BOD1L1: variants seen among roughly 807,000 people sequenced by gnomAD.
BOD1L1 encodes the protein biorientation of chromosomes in cell division protein 1-like 1.
In BOD1L1, 86 loss-of-function variants were observed where a neutral mutation model predicts 240.7. That is an observed-to-expected ratio of 0.36 (90% confidence interval 0.30 to 0.43). The LOEUF (loss-of-function observed/expected upper bound fraction) is 0.43, where lower values mean the gene tolerates loss of function less well. Ranked by LOEUF, BOD1L1 falls within the 20% of genes least tolerant of loss-of-function variation. The pLI, the probability that BOD1L1 is intolerant of heterozygous loss-of-function variation, is 1.00. For synonymous variants in BOD1L1, 1,268 were observed against 1,272.3 expected (o/e 1.00, Z 0.07); for missense variants, 3,554 against 3,643.5 (o/e 0.98, Z 0.63).
chr4:13,613,635 C>A lies in BOD1L1; in HGVS notation c.1201G>T (p.Asp401Tyr). Reference sequence around the variant, plus strand: ...CTAACTGTGATGTCTGTAAGTCCATCCACATCAGAATCTATCAAAGAGAAA... The same window carrying A: ...CTAACTGTGATGTCTGTAAGTCCATACACATCAGAATCTATCAAAGAGAAA... ...EDFSLIDSDV[D>Y]GLTDITVSSV... Residue 401 changes from aspartate to tyrosine, a missense_variant, in exon 5 of 26, where the codon GAT becomes TAT. This residue lies in a region of BOD1L1 where 3,393 missense variants were observed against 3,427.1 expected (regional missense o/e 0.99). Transcript: ENST00000040738. This position sits in a 1 kb window ranked among gnomAD's most constrained non-coding sequence, Gnocchi z 4.0. 1 of 1,580,206 alleles carries A rather than the reference C, an allele frequency of 6.3e-7. No homozygotes were observed. The highest frequency in any genetic ancestry group is 8.6e-7 in the Non-Finnish European group (1 of 1,159,310).
Position 13,577,103 on chromosome 4 carries a change from TG to T in BOD1L1, c.8885-113del, listed in dbSNP as rs1407155076. 5.4e-6 allele frequency: 7 copies of T among 1,297,614 alleles called. No individual in the cohort carries two copies. In the African/African-American group the frequency reaches 1.0e-4, roughly 19 times the overall value. The allele number at this position is 1,297,614 out of a possible 1,614,324, so 80.4% of individuals were successfully genotyped here. On this transcript the variant is annotated intron_variant, in intron 24 of 25. Coordinates refer to ENST00000040738, the MANE Select transcript of BOD1L1 (RefSeq NM_148894.3). ...TATTAGGGACTTGGAGGCAGAGAAA[TG>T]GTTTTCCACTTCCTTTTTGTTTCAG...
intron 19 of BOD1L1, among the ~76,000 whole-genome samples, chr4:13,581,918 T>C (rs1045663810): frequency 6.6e-6 from 1 of 152,220 alleles, no homozygotes; most frequent in Non-Finnish European, 1.5e-5. Flanking sequence ...TTTGCTGCCA[T>C]GTGCCTGGCC....
rs987958813 is a variant in BOD1L1 at position 13,599,341 on chromosome 4, G to C, written c.7559C>G (p.Ser2520Cys). 2 of 1,613,640 alleles carry C rather than the reference G, an allele frequency of 1.2e-6. No individual in the cohort carries two copies. The highest frequency in any genetic ancestry group is 1.3e-5 in the African/African-American group (1 of 74,744). The change falls in exon 10 of 26, where the codon TCT (serine) becomes TGT (cysteine). Residue 2520 changes from serine (S) to cysteine (C), a missense_variant. Ser to Cys is a moderately radical substitution (Grantham distance 112). Transcript: ENST00000040738. ...QTSGQTAKDP[S>C]VSIRYLAAVN... ...TGCTGCCAAATAGCGAATGCTGACA[G>C]AGGGATCCTTAGCCGTCTGCCCAGA...
chr4:13,603,529 G>C lies in BOD1L1; in HGVS notation c.3371C>G (p.Ser1124Cys). Residue 1124 changes from serine to cysteine, a missense_variant, in exon 10 of 26, where the codon TCT becomes TGT. Coordinates refer to ENST00000040738, the MANE Select transcript of BOD1L1 (RefSeq NM_148894.3). ...IPEQEPMEID[S>C]EPGVENVFEV... ...AAACACATTTTCAACACCTGGCTCA[G>C]AATCAATTTCCATTGGCTCTTGTTC... is the stretch of plus-strand genomic sequence containing the variant. The C allele has an allele frequency of 6.2e-7, 1 of 1,614,036 alleles. No individual in the cohort carries two copies. Among genetic ancestry groups the C allele is most frequent in the Non-Finnish European group, 8.5e-7 (1 of 1,179,898 alleles).
rs1258048920 is a variant in BOD1L1, at chr4:13,581,120, C to T, written c.8668+12G>A. 6.4e-7 allele frequency: 1 copy of T among 1,572,098 alleles called. No individual in the cohort carries two copies. The highest frequency in any genetic ancestry group is 8.6e-7 in the Non-Finnish European group (1 of 1,156,986). ...TTCTTGTGTGTGAACTGAAAACACA[C>T]CAAGTACCTACTCATTTTTAACGTT... On this transcript the variant is annotated intron_variant, in intron 20 of 25. Coordinates refer to ENST00000040738, the MANE Select transcript of BOD1L1 (RefSeq NM_148894.3).
rs1026563989 is a variant in BOD1L1, at chr4:13,603,266, C to T, written c.3634G>A (p.Ala1212Thr). 29 of 1,613,844 alleles carry T rather than the reference C, an allele frequency of 1.8e-5. No homozygotes were observed. The highest frequency in any genetic ancestry group is 2.7e-5 in the African/African-American group (2 of 74,922). The change falls in exon 10 of 26, where the codon GCT (alanine) becomes ACT (threonine). Residue 1212 changes from alanine to threonine, a missense_variant. By Grantham distance (58) the Ala-to-Thr change is moderately conservative. This residue lies in a region of BOD1L1 where 3,393 missense variants were observed against 3,427.1 expected (regional missense o/e 0.99). Coordinates refer to ENST00000040738, the MANE Select transcript of BOD1L1 (RefSeq NM_148894.3). ...TCCCCAGGGTTCATTTTGGACACAG[C>T]ACTTTGTATATGCATTTTCTTGGTC... ...TLTKKMHIQSAVSKMNPGEKE... is the reference protein window; with the variant it reads ...TLTKKMHIQSTVSKMNPGEKE...
Position 13,601,974 on chromosome 4 carries a change from T to C in BOD1L1, c.4926A>G (p.Val1642=), listed in dbSNP as rs145416062. 2.2e-5 allele frequency: 36 copies of C among 1,613,906 alleles called. No individual in the cohort carries two copies. Among genetic ancestry groups the C allele is most frequent in the Admixed American group, 3.3e-5 (2 of 60,008 alleles). ...CCTTTTCCTCTGTCACAACGCTATT[T>C]ACATTGGCTTCGATTTTAACTGCAT... ...AVHAVKIEAN[V]NSVVTEEKDD... The change falls in exon 10 of 26, where the codon GTA becomes GTG. Residue 1642 remains valine (V), a synonymous_variant. Coordinates refer to ENST00000040738, the MANE Select transcript of BOD1L1 (RefSeq NM_148894.3).
At position 13,604,398 on chromosome 4, in the gene BOD1L1, T is replaced by G. The variant is rs369891675; in HGVS notation, c.2502A>C (p.Glu834Asp). 7.5e-5 allele frequency: 118 copies of G among 1,578,008 alleles called. No homozygotes were observed. In the South Asian group the frequency reaches 1.4e-3, roughly 18 times the overall value. Residue 834 changes from glutamate (E) to aspartate (D), a missense_variant, in exon 10 of 26, where the codon GAA (glutamate) becomes GAC (aspartate). Physicochemically the swap from Glu to Asp is conservative, Grantham distance 45. Transcript: ENST00000040738. ...NNKKERRLSA[E>D]KTKAEHKSRR... is the part of the protein sequence containing the mutation. Reference sequence around the variant, plus strand: ...TTGATTTGTGCTCTGCCTTAGTTTTTTCAGCTGACAAGCGTCTCTCTTTTT... The same window carrying G: ...TTGATTTGTGCTCTGCCTTAGTTTTGTCAGCTGACAAGCGTCTCTCTTTTT...
Position 13,604,836 on chromosome 4 carries a change from T to G in BOD1L1, c.2064A>C (p.Glu688Asp). 1 of 1,612,158 alleles carries G rather than the reference T, an allele frequency of 6.2e-7. No individual in the cohort carries two copies. Among genetic ancestry groups the G allele is most frequent in the South Asian group, 1.1e-5 (1 of 90,352 alleles). Reference protein sequence around the residue: ...RQVERSEICTEEPQKQKSTLK... With the variant: ...RQVERSEICTDEPQKQKSTLK... ...GTGTGCTTTTCTGTTTCTGGGGCTC[T>G]TCGGTGCAAATTTCTGAGCGTTCTA... Residue 688 changes from glutamate (E) to aspartate (D), a missense_variant, in exon 10 of 26, where the codon GAA (glutamate) becomes GAC (aspartate). By Grantham distance (45) the Glu-to-Asp change is conservative. Around this residue, in one of 2 missense-constraint regions of BOD1L1, gnomAD observed 3,393 missense variants for 3,427.1 expected, o/e 0.99. Coordinates refer to ENST00000040738, the MANE Select transcript of BOD1L1 (RefSeq NM_148894.3).
chr4:13,588,269 T>A (rs1713889753), intron 15 of BOD1L1, among the ~76,000 whole-genome samples: 1 of 152,144 alleles, frequency 6.6e-6, no homozygotes, highest in Admixed American at 6.5e-5. Context: ...CTTCAGTCTC[T>A]TTTCTGGGTT....
At chr4:13,597,746 A>T (rs1714738691) in intron 10 of BOD1L1, among the ~76,000 whole-genome samples, 1 of 152,216 alleles carries the variant, frequency 6.6e-6, no homozygotes. Context: ...AAAAAGGAGG[A>T]ATGAGTAATT....
At chr4:13,588,814 G>GAA (rs142952587) in intron 14 of BOD1L1, 22 bp from the exon 15 acceptor site, 45 of 1,488,132 alleles carry the variant, frequency 3.0e-5, no homozygotes, top group African/African-American at 4.3e-5. Flanking sequence ...ATACAAAAAA[G>GAA]AAAAAAAAAT....
At chr4:13,575,718 G>A (rs1005984064) in intron 25 of BOD1L1, among the ~76,000 whole-genome samples, 3 of 152,124 alleles carry the variant, frequency 2.0e-5, no homozygotes, top group African/African-American at 7.2e-5. Flanking sequence ...GTGATTAACG[G>A]TTAGGATGAG....
At position 13,614,544 on chromosome 4, in the gene BOD1L1, T is replaced by G. The variant is rs1560215429; in HGVS notation, c.826A>C (p.Lys276Gln). The change falls in exon 4 of 26, where the codon AAG becomes CAG. Residue 276 changes from lysine to glutamine, a missense_variant. This residue lies in a region of BOD1L1 where 3,393 missense variants were observed against 3,427.1 expected (regional missense o/e 0.99). Transcript: ENST00000040738. ...GGGAGGTCGCTGAACTCTTCAGACT[T>G]TGGGGCTGTTTCCAGTCCTTCACCT... Reference protein sequence around the residue: ...SGGEGLETAPKSEEFSDLPCP... With the variant: ...SGGEGLETAPQSEEFSDLPCP... 5.0e-6 allele frequency: 8 copies of G among 1,613,994 alleles called. No individual in the cohort carries two copies. The highest frequency in any genetic ancestry group is 5.9e-6 in the Non-Finnish European group (7 of 1,179,892).
At position 13,615,346 on chromosome 4, in the gene BOD1L1, A is replaced by G; in HGVS notation, c.525T>C (p.Asp175=). The change falls in exon 3 of 26, where the codon GAT becomes GAC. Residue 175 remains aspartate (D), a synonymous_variant. Transcript: ENST00000040738. ...TAAGGGAAGTGTCTGGTTTCTCATCATCGGGAGCTGTGTTGCCACTTCCTT... is the reference window on the plus strand; with the variant it reads ...TAAGGGAAGTGTCTGGTTTCTCATCGTCGGGAGCTGTGTTGCCACTTCCTT... ...KEEGSGNTAP[D]DEKPDTSLIT... 1.9e-6 allele frequency: 3 copies of G among 1,613,110 alleles called. No individual in the cohort carries two copies. Among genetic ancestry groups the G allele is most frequent in the Non-Finnish European group, 1.7e-6 (2 of 1,179,500 alleles).
In BOD1L1 at chr4:13,577,477, T is replaced by A; in HGVS notation, c.8810A>T (p.Glu2937Val). 1 of 1,613,598 alleles carries A rather than the reference T, an allele frequency of 6.2e-7. No homozygotes were observed. The highest frequency in any genetic ancestry group is 8.5e-7 in the Non-Finnish European group (1 of 1,179,708). The change falls in exon 24 of 26, where the codon GAA becomes GTA. Residue 2937 changes from glutamate (E) to valine (V), a missense_variant. Coordinates refer to ENST00000040738, the MANE Select transcript of BOD1L1 (RefSeq NM_148894.3). Reference sequence around the variant, plus strand: ...ACGCACACTTGTTACTATTTTTTCTTCACCATCATCCTAGAAGCAATAAAA... The same window carrying A: ...ACGCACACTTGTTACTATTTTTTCTACACCATCATCCTAGAAGCAATAAAA... ...QERSISNDDG[E>V]EKIVTSVRRR... is the part of the protein sequence containing the mutation.
chr4:13,582,617 C>A, intron 18 of BOD1L1, 35 bp downstream of exon 18: 1 of 1,488,110 alleles, frequency 6.7e-7, no homozygotes. Context: ...GCTTTGAAGG[C>A]TCAGTCAATT....
At chr4:13,596,153 A>G (rs894889274) in intron 11 of BOD1L1, among the ~76,000 whole-genome samples, 3 of 152,152 alleles carry the variant, frequency 2.0e-5, no homozygotes, top group Non-Finnish European at 4.4e-5. Flanking sequence ...TCATCCATCA[A>G]TGGGTATTCT....
In BOD1L1 at chr4:13,604,816, C is replaced by A. The variant is rs541384346; in HGVS notation, c.2084G>T (p.Ser695Ile). ...TAGATGCTTTTCGTTTTTAAGTGTG[C>A]TTTTCTGTTTCTGGGGCTCTTCGGT... ...ICTEEPQKQK[S>I]TLKNEKHLKK... Residue 695 changes from serine to isoleucine, a missense_variant, in exon 10 of 26, where the codon AGC (serine) becomes ATC (isoleucine). Ser to Ile is a moderately radical substitution (Grantham distance 142). Around this residue, in one of 2 missense-constraint regions of BOD1L1, gnomAD observed 3,393 missense variants for 3,427.1 expected, o/e 0.99. Coordinates refer to ENST00000040738, the MANE Select transcript of BOD1L1 (RefSeq NM_148894.3). 1.2e-6 allele frequency: 2 copies of A among 1,612,720 alleles called. No homozygotes were observed. The highest frequency in any genetic ancestry group is 1.7e-6 in the Non-Finnish European group (2 of 1,179,620).
Sources: gnomAD v4.1 joint callset for allele counts (sites outside exome capture counted in the v4.1 genomes callset) on GRCh38, gnomAD v4.1.1 for gene constraint, gnomAD v4.1.1 regional missense constraint, Gnocchi (gnomAD v3.1) non-coding constraint, MANE v1.5 for transcripts, NCBI Gene and HGNC (gene_info 2026-07-23, HGNC 2026-07-21) for gene names.